MAPKAP1: variants seen among roughly 807,000 people sequenced by gnomAD.
The protein encoded by MAPKAP1 is target of rapamycin complex 2 subunit MAPKAP1.
In MAPKAP1, 20 loss-of-function variants were observed where a neutral mutation model predicts 65.7. The ratio of observed to expected loss-of-function variants is 0.30; its 90% confidence interval spans 0.21 to 0.44. MAPKAP1 has a LOEUF of 0.44. MAPKAP1 is among the 20% of genes least tolerant of loss of function. The pLI is 1.00. For synonymous variants in MAPKAP1, 222 were observed against 244.3 expected, an observed-to-expected ratio of 0.91 and a Z score of 0.85; for missense variants, 423 against 648.0, an observed-to-expected ratio of 0.65 and a Z score of 3.77.
rs118050032 is a variant in MAPKAP1 at position 125,635,692 on chromosome 9, A to G, written c.498+21959T>C. Among the ~76,000 whole-genome samples the G allele has an allele frequency of 8.0e-4, 122 of 152,338 alleles. 2 individuals carry two copies. In the East Asian group the frequency reaches 0.022, roughly 28 times the overall value. The stretch of plus-strand genomic sequence containing the variant: ...AATGCAAAACTACACCTACACTATA[A>G]ATCATGCTAAATGATGTAAAGATGA... On this transcript the variant is annotated intron_variant, in intron 4 of 11. Transcript: ENST00000265960.
At chr9:125,588,822 C>T (rs1368648456) in intron 4 of MAPKAP1, among the ~76,000 whole-genome samples, 1 of 152,240 alleles carries the variant, frequency 6.6e-6, no homozygotes, top group Non-Finnish European at 1.5e-5. Context: ...CAACATCCAA[C>T]AAAGCACCAC....
At chr9:125,575,649 G>A (rs998121303) in intron 5 of MAPKAP1, among the ~76,000 whole-genome samples, 3 of 152,104 alleles carry the variant, frequency 2.0e-5, no homozygotes, top group Non-Finnish European at 4.4e-5. Context: ...TTAAAACAAC[G>A]ACATACCACT....
chr9:125,609,514 G>A (rs1442757650), intron 4 of MAPKAP1, among the ~76,000 whole-genome samples: 1 of 152,102 alleles, frequency 6.6e-6, no homozygotes, highest in East Asian at 1.9e-4. Flanking sequence ...GAAAGAGTAT[G>A]TTGTTTATTT....
At chr9:125,505,293 C>T (rs561527496) in intron 8 of MAPKAP1, among the ~76,000 whole-genome samples, 58 of 152,286 alleles carry the variant, frequency 3.8e-4, no homozygotes, top group African/African-American at 1.4e-3. Flanking sequence ...GACATGGCAG[C>T]ATGTGCCTAT....
chr9:125,598,536 T>C (rs958763621), intron 4 of MAPKAP1, among the ~76,000 whole-genome samples: 3 of 152,204 alleles, frequency 2.0e-5, no homozygotes, highest in Admixed American at 6.5e-5. Context: ...ACCTCCAGGA[T>C]CCTTGCTATA....
intron 4 of MAPKAP1, among the ~76,000 whole-genome samples, chr9:125,643,783 G>C (rs988261496): frequency 6.6e-6 from 1 of 152,068 alleles, no homozygotes; most frequent in African/African-American, 2.4e-5. Context: ...TTAGGCTTTT[G>C]ATATATATCA....
chr9:125,678,533 C>T (rs1046331488), intron 1 of MAPKAP1, among the ~76,000 whole-genome samples: 2 of 152,170 alleles, frequency 1.3e-5, no homozygotes, highest in Non-Finnish European at 2.9e-5. Context: ...TGAGCCACCG[C>T]GCCCGGCCCA....
chr9:125,698,501 C>T (rs1001856214), intron 1 of MAPKAP1, among the ~76,000 whole-genome samples: 1 of 150,886 alleles, frequency 6.6e-6, no homozygotes, highest in Middle Eastern at 3.2e-3. Flanking sequence ...GCCACCACGC[C>T]TGGCAAATTT....
chr9:125,505,004 T>A (rs972581682), intron 8 of MAPKAP1, among the ~76,000 whole-genome samples: 2 of 152,228 alleles, frequency 1.3e-5, no homozygotes, highest in South Asian at 2.1e-4. Flanking sequence ...ACAGACCTGA[T>A]AATCTAGCAG....
rs1427737207 is a variant in MAPKAP1 at position 125,678,243 on chromosome 9, A to AT, written c.-69-5601dup. Among the ~76,000 whole-genome samples the AT allele has an allele frequency of 8.9e-5, 13 of 146,236 alleles. No homozygotes were observed. The East Asian group carries it at 1.5e-3, about 17-fold the overall frequency. ...AACACAGGCATTTTTATTTTATTTT[A>AT]TTTTTATTTATTTTTTTTTGAGACA... On this transcript the variant is annotated intron_variant, in intron 1 of 11. Coordinates refer to ENST00000265960, the MANE Select transcript of MAPKAP1 (RefSeq NM_001006617.3).
chr9:125,679,407 C>A (rs1834754261), intron 1 of MAPKAP1, among the ~76,000 whole-genome samples: 1 of 152,144 alleles, frequency 6.6e-6, no homozygotes, highest in African/African-American at 2.4e-5. Flanking sequence ...ATGTGTTATG[C>A]AGTAGAGTAA....
chr9:125,576,729 C>A (rs1165818021), intron 5 of MAPKAP1, among the ~76,000 whole-genome samples: 1 of 152,186 alleles, frequency 6.6e-6, no homozygotes, highest in Non-Finnish European at 1.5e-5. Flanking sequence ...CTGTGTTGGC[C>A]GGGCTGGTCT....
intron 10 of MAPKAP1, among the ~76,000 whole-genome samples, chr9:125,458,762 A>G (rs1853307539): frequency 6.7e-6 from 1 of 148,664 alleles, no homozygotes; most frequent in African/African-American, 2.5e-5. Context: ...GTGGCTGGGC[A>G]GAGGGGCTCT....
chr9:125,531,030 T>C (rs1829918968), intron 7 of MAPKAP1, among the ~76,000 whole-genome samples: 3 of 152,244 alleles, frequency 2.0e-5, no homozygotes, highest in Non-Finnish European at 4.4e-5. Context: ...AAGGGGCTGA[T>C]GACTTCCCTA....
At chr9:125,579,797 G>A (rs1184961147) in intron 5 of MAPKAP1, among the ~76,000 whole-genome samples, 3 of 152,152 alleles carry the variant, frequency 2.0e-5, no homozygotes, top group African/African-American at 7.2e-5. Context: ...CTGCCCGACA[G>A]GAGGAGATCC....
chr9:125,602,241 A>G (rs1348912759), intron 4 of MAPKAP1, among the ~76,000 whole-genome samples: 1 of 152,226 alleles, frequency 6.6e-6, no homozygotes, highest in Non-Finnish European at 1.5e-5. Context: ...CAGCAGAGGG[A>G]GACCTTGTCT....
intron 1 of MAPKAP1, among the ~76,000 whole-genome samples, chr9:125,677,604 G>A (rs997422550): frequency 5.3e-5 from 8 of 152,122 alleles, no homozygotes; most frequent in African/African-American, 1.9e-4. Flanking sequence ...GCTGAGGCAT[G>A]AAAATCTCTT....
rs148274475 is a variant in MAPKAP1 at position 125,567,097 on chromosome 9, C to T, written c.672-7288G>A. On this transcript the variant is annotated intron_variant, in intron 5 of 11. Coordinates refer to ENST00000265960, the MANE Select transcript of MAPKAP1 (RefSeq NM_001006617.3). Reference sequence around the variant, plus strand: ...CCACACTCTCCATATTGAGTTCAGCCCAAGTCCTTGTGAATTCCATTTCTC... The same window carrying T: ...CCACACTCTCCATATTGAGTTCAGCTCAAGTCCTTGTGAATTCCATTTCTC... 2.2e-4 allele frequency among the ~76,000 whole-genome samples: 34 copies of T among 152,268 alleles called. No homozygotes were observed. In the East Asian group the frequency reaches 5.0e-3, roughly 22 times the overall value.
At chr9:125,619,623 G>A (rs181978068) in intron 4 of MAPKAP1, among the ~76,000 whole-genome samples, 2 of 151,954 alleles carry the variant, frequency 1.3e-5, no homozygotes, top group Admixed American at 1.3e-4. Flanking sequence ...AGAGAAATCA[G>A]GAACCTTCAT....
Sources: allele counts gnomAD v4.1 joint callset (sites outside exome capture counted in the v4.1 genomes callset), GRCh38; gene constraint gnomAD v4.1.1; transcripts MANE v1.5; gene names NCBI Gene and HGNC (gene_info 2026-07-23, HGNC 2026-07-21).